HECW1: variants seen among roughly 807,000 people sequenced by gnomAD.
HECW1 encodes E3 ubiquitin-protein ligase HECW1.
A neutral mutation model predicts 182.3 loss-of-function variants in HECW1; 61 were observed. That is an observed-to-expected ratio of 0.33 (90% confidence interval 0.27 to 0.41). The LOEUF is 0.41. Among genes scored for constraint, HECW1 ranks in the 10% least tolerant of loss-of-function variants. The probability of loss-of-function intolerance (pLI) is 1.00; values close to 1 mark genes in which losing one functional copy is unlikely to be tolerated. For synonymous variants in HECW1, 859 were observed against 832.6 expected, an observed-to-expected ratio of 1.03 and a Z score of -0.55; for missense variants, 1,739 against 2,108.9, an observed-to-expected ratio of 0.82 and a Z score of 3.44.
intron 3 of HECW1, among the ~76,000 whole-genome samples, chr7:43,287,427 G>C (rs1804791277): frequency 6.6e-6 from 1 of 152,092 alleles, no homozygotes; most frequent in Non-Finnish European, 1.5e-5. Flanking sequence ...GGACCCAAGG[G>C]AAAAGGAGGC....
At position 43,412,902 on chromosome 7, in the gene HECW1, C is replaced by T. The variant is rs1216537801; in HGVS notation, c.801+5171C>T. Reference sequence around the variant, plus strand: ...AAGTCTTTGCTATTGTGAATAATGCCGCAATAAACATACGTGTGCATGTGT... The same window carrying T: ...AAGTCTTTGCTATTGTGAATAATGCTGCAATAAACATACGTGTGCATGTGT... On this transcript the variant is annotated intron_variant, in intron 8 of 29. Coordinates refer to ENST00000395891, the MANE Select transcript of HECW1 (RefSeq NM_015052.5). 2.7e-5 allele frequency among the ~76,000 whole-genome samples: 4 copies of T among 147,624 alleles called. No homozygotes were observed. In the East Asian group the frequency reaches 6.2e-4, roughly 23 times the overall value.
In HECW1 at chr7:43,342,790, C is replaced by T. The variant is rs555393517; in HGVS notation, c.461-18096C>T. 2.0e-4 allele frequency among the ~76,000 whole-genome samples: 30 copies of T among 151,788 alleles called. 2 individuals are homozygous for T. The highest frequency in any genetic ancestry group is 5.8e-4 in the East Asian group (3 of 5,182). The stretch of plus-strand genomic sequence containing the variant: ...CCTGTAATCCTGGCACTTTGGGAGG[C>T]GCAGGCAGGCAGATCATGAGGTCAG... On this transcript the variant is annotated intron_variant, in intron 5 of 29. Transcript: ENST00000395891.
At chr7:43,488,508 AAAAG>A (rs1325254500) in intron 17 of HECW1, among the ~76,000 whole-genome samples, 3 of 146,214 alleles carry the variant, frequency 2.1e-5, no homozygotes, top group African/African-American at 7.6e-5. Flanking sequence ...GAAAGAAAAG[AAAAG>A]AAAGAAAAAG....
At chr7:43,207,198 C>T (rs1186660552) in intron 2 of HECW1, among the ~76,000 whole-genome samples, 2 of 152,106 alleles carry the variant, frequency 1.3e-5, no homozygotes, top group Non-Finnish European at 1.5e-5. Context: ...AGGTGCATGC[C>T]ACCATGCCTG....
At chr7:43,223,355 C>T (rs1365114364) in intron 2 of HECW1, among the ~76,000 whole-genome samples, 5 of 152,170 alleles carry the variant, frequency 3.3e-5, no homozygotes, top group East Asian at 1.9e-4. Context: ...CCATGGCTCA[C>T]GCCTGTAATC....
chr7:43,400,973 TCTC>T (rs1229245302), intron 7 of HECW1, among the ~76,000 whole-genome samples: 7 of 152,168 alleles, frequency 4.6e-5, no homozygotes, highest in Admixed American at 2.0e-4. Flanking sequence ...CACATTGCCT[TCTC>T]CTCATTTTGC....
intron 24 of HECW1, among the ~76,000 whole-genome samples, chr7:43,523,697 G>A (rs2080626626): frequency 6.6e-6 from 1 of 152,136 alleles, no homozygotes; most frequent in South Asian, 2.1e-4. Context: ...TAAATGGCAA[G>A]TGTAGATTGC....
At chr7:43,545,453 G>A (rs536090113) in intron 26 of HECW1, among the ~76,000 whole-genome samples, 1 of 152,160 alleles carries the variant, frequency 6.6e-6, no homozygotes, top group African/African-American at 2.4e-5. Context: ...ATGTGTTGTA[G>A]ATCTATAATA....
chr7:43,456,579 C>T, intron 13 of HECW1, 132 bp downstream of exon 13: 1 of 814,028 alleles, frequency 1.2e-6, no homozygotes, highest in South Asian at 3.6e-5. Flanking sequence ...TCTTAAGAAA[C>T]CTGTTCCTAG....
intron 11 of HECW1, among the ~76,000 whole-genome samples, chr7:43,446,154 T>TTG (rs1554420488): frequency 3.3e-5 from 5 of 151,832 alleles, no homozygotes; most frequent in Non-Finnish European, 4.4e-5. Context: ...TTGGTTTTGT[T>TTG]TTGTTGTTGT....
intron 26 of HECW1, among the ~76,000 whole-genome samples, chr7:43,546,488 A>G (rs973112495): frequency 6.6e-6 from 1 of 151,986 alleles, no homozygotes; most frequent in Non-Finnish European, 1.5e-5. Flanking sequence ...GTAATGAGAC[A>G]TAAAGTTCCT....
At chr7:43,429,773 A>C (rs2076484905) in intron 8 of HECW1, among the ~76,000 whole-genome samples, 1 of 152,160 alleles carries the variant, frequency 6.6e-6, no homozygotes, top group Admixed American at 6.5e-5. Flanking sequence ...TTTAATTTCC[A>C]TTAGTAATAA....
chr7:43,215,591 C>T (rs2152698465), intron 2 of HECW1, among the ~76,000 whole-genome samples: 1 of 152,180 alleles, frequency 6.6e-6, no homozygotes, highest in South Asian at 2.1e-4. Flanking sequence ...AATATCTATC[C>T]TAGTTGCTTT....
At chr7:43,193,618 G>T (rs1416369785) in intron 2 of HECW1, among the ~76,000 whole-genome samples, 3 of 152,094 alleles carry the variant, frequency 2.0e-5, no homozygotes, top group Non-Finnish European at 4.4e-5. Flanking sequence ...CTGACCTCAA[G>T]TGATCCACCC....
intron 11 of HECW1, among the ~76,000 whole-genome samples, chr7:43,449,194 T>C (rs2077157293): frequency 1.3e-5 from 2 of 152,226 alleles, no homozygotes; most frequent in Admixed American, 6.5e-5. Flanking sequence ...TATACCATGG[T>C]TTTGTTTAAT....
chr7:43,273,402 T>C (rs1186553269), intron 3 of HECW1, among the ~76,000 whole-genome samples: 1 of 152,194 alleles, frequency 6.6e-6, no homozygotes, highest in African/African-American at 2.4e-5. Flanking sequence ...AGTGGAACTA[T>C]ATAAATTGAA....
chr7:43,427,871 C>T (rs2076411204), intron 8 of HECW1, among the ~76,000 whole-genome samples: 1 of 152,184 alleles, frequency 6.6e-6, no homozygotes, highest in Non-Finnish European at 1.5e-5. Context: ...ATCCTTCTCA[C>T]ATTTTGTCCC....
intron 5 of HECW1, among the ~76,000 whole-genome samples, chr7:43,348,533 G>C (rs1040370068): frequency 6.6e-6 from 1 of 151,218 alleles, no homozygotes; most frequent in African/African-American, 2.4e-5. Context: ...CTCTGATCTT[G>C]GTTATTTCCT....
rs1032353773 is a variant in HECW1 at position 43,420,918 on chromosome 7, T to C, written c.801+13187T>C. Reference sequence around the variant, plus strand: ...ATCCTAATCAAAATCCTGGGAGATATGTTAATGTAACTTGACAAGCTAATT... The same window carrying C: ...ATCCTAATCAAAATCCTGGGAGATACGTTAATGTAACTTGACAAGCTAATT... On this transcript the variant is annotated intron_variant, in intron 8 of 29. Coordinates refer to ENST00000395891, the MANE Select transcript of HECW1 (RefSeq NM_015052.5). Among the ~76,000 whole-genome samples, 8 of 152,146 alleles carry C rather than the reference T, an allele frequency of 5.3e-5. No homozygotes were observed. In the East Asian group the frequency reaches 1.2e-3, roughly 22 times the overall value.
Sources: gnomAD v4.1 joint callset for allele counts (sites outside exome capture counted in the v4.1 genomes callset) on GRCh38, gnomAD v4.1.1 for gene constraint, MANE v1.5 for transcripts, NCBI Gene and HGNC (gene_info 2026-07-23, HGNC 2026-07-21) for gene names.